Variants in CUBN observed in about 807,000 individuals in gnomAD.
CUBN encodes the protein cubilin, also known as 460 kDa receptor.
Under a neutral mutation model 405.3 loss-of-function variants are expected in CUBN, and 282 were observed. The observed-to-expected ratio is 0.70, with a 90% CI of 0.63 to 0.77. The LOEUF is 0.77. CUBN is among the 30% of genes least tolerant of loss of function. CUBN has a pLI of 0.00. For missense variants in CUBN, 4,514 were observed against 4,475.2 expected (o/e 1.01, Z -0.25); for synonymous variants, 1,684 against 1,617.0 (o/e 1.04, Z -0.99).
chr10:16,936,444 G>A (rs963118920), intron 39 of CUBN, among the ~76,000 whole-genome samples: 6 of 152,170 alleles, frequency 3.9e-5, no homozygotes, highest in Non-Finnish European at 7.3e-5. Flanking sequence ...CAACATTTCA[G>A]AATGGAATAC....
chr10:17,060,580 C>G (rs1158893587), intron 22 of CUBN, among the ~76,000 whole-genome samples: 1 of 152,210 alleles, frequency 6.6e-6, no homozygotes, highest in African/African-American at 2.4e-5. Flanking sequence ...TGCTGGGACA[C>G]CTGTACATAC....
At chr10:17,019,342 G>A (rs575644319) in intron 28 of CUBN, among the ~76,000 whole-genome samples, 15 of 152,094 alleles carry the variant, frequency 9.9e-5, no homozygotes, top group South Asian at 4.2e-4. Flanking sequence ...TTTGTGCATC[G>A]CAGCTCAAAT....
Position 17,043,821 on chromosome 10 carries a change from A to G in CUBN, c.3829+6T>C. On this transcript the variant is annotated splice_donor_region_variant and intron_variant, in intron 26 of 66. Transcript: ENST00000377833. ...ACACACTTACTCTGCCGGTATTCAC[A>G]CTTACTCTGCCGGTATTCAGCCTTG... 1 of 1,611,574 alleles carries G rather than the reference A, an allele frequency of 6.2e-7. No homozygotes were observed. The highest frequency in any genetic ancestry group is 8.5e-7 in the Non-Finnish European group (1 of 1,178,442).
intron 59 of CUBN, among the ~76,000 whole-genome samples, chr10:16,858,899 T>C (rs1173560976): frequency 6.6e-6 from 1 of 152,210 alleles, no homozygotes; most frequent in Non-Finnish European, 1.5e-5. Context: ...CAACCAATGG[T>C]GCTAGAGCAA....
intron 56 of CUBN, among the ~76,000 whole-genome samples, chr10:16,886,985 T>C (rs1840839561): frequency 6.6e-6 from 1 of 152,182 alleles, no homozygotes; most frequent in African/African-American, 2.4e-5. Flanking sequence ...ACAGGGTTTC[T>C]CCATGTTGGT....
intron 54 of CUBN, among the ~76,000 whole-genome samples, chr10:16,898,354 G>A (rs760647446): frequency 4.7e-4 from 71 of 152,104 alleles, no homozygotes; most frequent in Non-Finnish European, 8.4e-4. Context: ...GTAGCTCAGA[G>A]AAGAACATGC....
chr10:16,965,946 T>G (rs1843379941), intron 31 of CUBN: 3 of 471,038 alleles, frequency 6.4e-6, no homozygotes, highest in South Asian at 1.5e-5. Context: ...ACAAACCCCA[T>G]CTGTCTGACG....
rs368992268 is a variant in CUBN, at chr10:16,952,356, T to C, written c.4889A>G (p.Asp1630Gly). ...AGGGAACCGTGGAGAGGAAACAGTA[T>C]CAAATGAGCTGGTGAGGATGTGGCC... Reference protein sequence around the residue: ...CGGHILTSSFDTVSSPRFPAN... With the variant: ...CGGHILTSSFGTVSSPRFPAN... The change falls in exon 33 of 67, where the codon GAT (aspartate) becomes GGT (glycine). Residue 1630 changes from aspartate (D) to glycine (G), a missense_variant. This residue lies in a region of CUBN where 1,613 missense variants were observed against 1,542.8 expected (regional missense o/e 1.05). Transcript: ENST00000377833. 6.2e-7 allele frequency: 1 copy of C among 1,613,906 alleles called. No homozygotes were observed.
chr10:17,063,859 G>T (rs553557542), intron 22 of CUBN, among the ~76,000 whole-genome samples: 1 of 152,200 alleles, frequency 6.6e-6, no homozygotes, highest in Non-Finnish European at 1.5e-5. Flanking sequence ...ATCTCTCGAA[G>T]ATTACCAAAT....
intron 40 of CUBN, among the ~76,000 whole-genome samples, chr10:16,928,630 AGTG>A (rs1842278250): frequency 6.7e-6 from 1 of 148,188 alleles, no homozygotes; most frequent in Non-Finnish European, 1.5e-5. Flanking sequence ...CTGGGGTTCA[AGTG>A]ATTCTCCTGC....
chr10:16,990,788 C>T (rs1376240080), intron 28 of CUBN, among the ~76,000 whole-genome samples: 2 of 152,048 alleles, frequency 1.3e-5, no homozygotes, highest in African/African-American at 2.4e-5. Flanking sequence ...ATCAAACCTT[C>T]GTACTTTAAA....
At position 17,068,086 on chromosome 10, in the gene CUBN, C is replaced by T. The variant is rs756276102; in HGVS notation, c.2986G>A (p.Asp996Asn). ...TACCTTCCAAGGGATGTCTCAGAGT[C>T]GGTGTCATAAACTTCCAAGTAGTCG... ...TNDYLEVYDT[D>N]SETSLGRYCG... The change falls in exon 21 of 67, where the codon GAC (aspartate) becomes AAC (asparagine). Residue 996 changes from aspartate to asparagine, a missense_variant. Physicochemically the swap from Asp to Asn is conservative, Grantham distance 23 (BLOSUM62 1). This residue lies in a region of CUBN where 1,448 missense variants were observed against 1,388.0 expected (regional missense o/e 1.04). Coordinates refer to ENST00000377833, the MANE Select transcript of CUBN (RefSeq NM_001081.4). 4 of 1,612,424 alleles carry T rather than the reference C, an allele frequency of 2.5e-6. No homozygotes were observed. The highest frequency in any genetic ancestry group is 2.2e-5 in the South Asian group (2 of 91,036).
In CUBN at chr10:17,100,170, C is replaced by A. The variant is rs772146900; in HGVS notation, c.1600G>T (p.Val534Phe). The change falls in exon 14 of 67, where the codon GTT (valine) becomes TTT (phenylalanine). Residue 534 changes from valine to phenylalanine, a missense_variant. Transcript: ENST00000377833. ...MDNCPHEFLQ[V>F]YDGDSSSAFQ... ...GCAGAAGAGGAATCTCCATCATAAA[C>A]CTGAAGAAACTCGTGTGGACAGTTG... is the stretch of plus-strand genomic sequence containing the variant. The A allele has an allele frequency of 3.1e-6, 5 of 1,613,926 alleles. No homozygotes were observed. The highest frequency in any genetic ancestry group is 1.3e-5 in the African/African-American group (1 of 74,906).
Position 17,045,046 on chromosome 10 carries a change from G to A in CUBN, c.3633C>T (p.His1211=). The A allele has an allele frequency of 2.5e-6, 4 of 1,614,066 alleles. No homozygotes were observed. Among genetic ancestry groups the A allele is most frequent in the Non-Finnish European group, 3.4e-6 (4 of 1,179,990 alleles). ...AAGTGCAGTTTGGATGATGCTCCAAGTGAAAGTCTTTGAATTCCAGTTCAA... is the reference window on the plus strand; with the variant it reads ...AAGTGCAGTTTGGATGATGCTCCAAATGAAAGTCTTTGAATTCCAGTTCAA... ...SAFELEFKDF[H]LEHHPNCTLD... Residue 1211 remains histidine, a synonymous_variant, in exon 25 of 67, where the codon CAC becomes CAT. Coordinates refer to ENST00000377833, the MANE Select transcript of CUBN (RefSeq NM_001081.4).
chr10:16,902,271 T>G (rs1841418437), intron 51 of CUBN, among the ~76,000 whole-genome samples: 1 of 139,480 alleles, frequency 7.2e-6, no homozygotes, highest in Admixed American at 7.6e-5. Flanking sequence ...ATATATATAT[T>G]TGTATATATA....
Position 16,906,334 on chromosome 10 carries a change from G to C in CUBN, c.7781C>G (p.Ser2594Ter). The change falls in exon 50 of 67, where the codon TCA becomes TGA. Residue 2594 changes from serine (S) to a stop codon, truncating the protein, a stop_gained. Transcript: ENST00000377833. LOFTEE classifies it high-confidence loss of function. ...SPGYDGVRNY[S>*]RNLNCEWTLS... is the part of the protein sequence containing the mutation. ...AGTCCATTCGCAGTTCAGGTTTCTT[G>C]AGTAATTCCTGACTCCGTCATAGCC... 1 of 1,613,946 alleles carries C rather than the reference G, an allele frequency of 6.2e-7. No individual in the cohort carries two copies. The highest frequency in any genetic ancestry group is 8.5e-7 in the Non-Finnish European group (1 of 1,179,834).
intron 31 of CUBN, among the ~76,000 whole-genome samples, chr10:16,955,776 G>C (rs1009390422): frequency 2.6e-5 from 4 of 152,148 alleles, no homozygotes; most frequent in African/African-American, 4.8e-5. Context: ...GAGGCACAGA[G>C]AGCCTAAGTA....
chr10:17,001,584 T>C (rs1353416949), intron 28 of CUBN, among the ~76,000 whole-genome samples: 1 of 152,250 alleles, frequency 6.6e-6, no homozygotes, highest in African/African-American at 2.4e-5. Context: ...TGGCTTCACT[T>C]CTCAAGATCA....
chr10:16,831,605 C>T (rs527476962), intron 64 of CUBN, among the ~76,000 whole-genome samples, 188 bp from the exon 65 acceptor site: 5 of 152,292 alleles, frequency 3.3e-5, no homozygotes, highest in Admixed American at 6.5e-5. Context: ...AAATGTTCCA[C>T]GTGTAGATCA....
Sources: allele counts gnomAD v4.1 joint callset (sites outside exome capture counted in the v4.1 genomes callset), GRCh38; gene constraint gnomAD v4.1.1; regional missense constraint gnomAD v4.1.1; transcripts MANE v1.5; gene names NCBI Gene and HGNC (gene_info 2026-07-23, HGNC 2026-07-21).